Variants in TAOK3 observed in about 807,000 individuals in gnomAD.
TAOK3 encodes the protein TAO kinase 3, also known as serine/threonine-protein kinase TAO3.
Under a neutral mutation model 120.4 loss-of-function variants are expected in TAOK3, and 40 were observed. The observed-to-expected ratio is 0.33, with a 90% CI of 0.26 to 0.43. The LOEUF is 0.43. TAOK3 is among the 20% of genes least tolerant of loss of function. The pLI is 1.00. For synonymous variants in TAOK3, 355 were observed against 387.5 expected (o/e 0.92, Z 0.99); for missense variants, 821 against 1,112.1 (o/e 0.74, Z 3.72).
chr12:118,181,339 T>C (rs750017610), intron 15 of TAOK3, 32 bp downstream of exon 15: 2 of 1,553,378 alleles, frequency 1.3e-6, no homozygotes, highest in South Asian at 2.3e-5. Context: ...TGGGCTTGGT[T>C]GTGGCATGAA....
chr12:118,205,243 T>C (rs1273543581), intron 11 of TAOK3, among the ~76,000 whole-genome samples: 1 of 151,706 alleles, frequency 6.6e-6, no homozygotes, highest in South Asian at 2.1e-4. Flanking sequence ...AGTGCCCGCC[T>C]ATAGTCCCAG....
intron 5 of TAOK3, among the ~76,000 whole-genome samples, chr12:118,241,592 GTTGT>G (rs2040254710): frequency 1.3e-5 from 2 of 152,132 alleles, no homozygotes; most frequent in African/African-American, 4.8e-5. Flanking sequence ...ACCTGAGATG[GTTGT>G]TTGCTCCTGA....
intron 9 of TAOK3, among the ~76,000 whole-genome samples, chr12:118,225,807 A>G (rs1392429393): frequency 6.6e-6 from 1 of 152,238 alleles, no homozygotes; most frequent in Non-Finnish European, 1.5e-5. Context: ...TGATGTTCAT[A>G]TACATTGATT....
chr12:118,279,372 G>A (rs2042012436), intron 1 of TAOK3, among the ~76,000 whole-genome samples: 1 of 151,872 alleles, frequency 6.6e-6, no homozygotes, highest in Admixed American at 6.6e-5. Context: ...CATTCTGTAG[G>A]ATGTTTATTC....
chr12:118,191,455 A>G (rs1245446145), intron 13 of TAOK3, among the ~76,000 whole-genome samples: 1 of 152,242 alleles, frequency 6.6e-6, no homozygotes, highest in African/African-American at 2.4e-5. Flanking sequence ...TTAATTAAAA[A>G]TTAAATTCAA....
intron 3 of TAOK3, among the ~76,000 whole-genome samples, chr12:118,249,331 G>A (rs778186277): frequency 1.3e-5 from 2 of 152,164 alleles, no homozygotes; most frequent in African/African-American, 2.4e-5. Context: ...GGAGGCCAAC[G>A]TGGGTGGATC....
intron 11 of TAOK3, among the ~76,000 whole-genome samples, chr12:118,205,930 T>C (rs1451953593): frequency 4.2e-4 from 62 of 145,936 alleles, no homozygotes; most frequent in African/African-American, 8.4e-4. Flanking sequence ...CTCTCTCTCT[T>C]TTTTTTTTTT....
chr12:118,253,184 A>T (rs1406411886), intron 3 of TAOK3, among the ~76,000 whole-genome samples: 2 of 152,352 alleles, frequency 1.3e-5, no homozygotes, highest in African/African-American at 4.8e-5. Context: ...GAGAAAATCC[A>T]GGCTGAAGAT....
chr12:118,341,023 C>T (rs1422335306), intron 1 of TAOK3, among the ~76,000 whole-genome samples: 2 of 149,804 alleles, frequency 1.3e-5, no homozygotes, highest in African/African-American at 4.9e-5. Flanking sequence ...CAGAGTCTCA[C>T]TCTGTTGCCC....
intron 2 of TAOK3, among the ~76,000 whole-genome samples, chr12:118,261,178 C>T (rs1014640275): frequency 6.6e-6 from 1 of 152,184 alleles, no homozygotes; most frequent in Admixed American, 6.5e-5. Flanking sequence ...CATCAGTGAG[C>T]TGTGGAACAT....
chr12:118,221,634 CT>C (rs35069196), intron 9 of TAOK3, among the ~76,000 whole-genome samples: 1,487 of 125,942 alleles, frequency 0.012, 14 homozygotes, highest in African/African-American at 0.041. Context: ...TACATATAAC[CT>C]TTTTTTTTTT....
chr12:118,249,105 C>G (rs889169095), intron 3 of TAOK3, among the ~76,000 whole-genome samples: 1 of 152,168 alleles, frequency 6.6e-6, no homozygotes, highest in African/African-American at 2.4e-5. Flanking sequence ...AACTTACATT[C>G]ATGCTTAATA....
chr12:118,338,754 T>C (rs2141095779), intron 1 of TAOK3, among the ~76,000 whole-genome samples: 1 of 121,108 alleles, frequency 8.3e-6, no homozygotes, highest in East Asian at 2.6e-4. Flanking sequence ...GCCACTGCAC[T>C]GCAGTGTGGT....
chr12:118,329,243 T>C (rs1165780877), intron 1 of TAOK3, among the ~76,000 whole-genome samples: 31 of 152,274 alleles, frequency 2.0e-4, no homozygotes, highest in Admixed American at 2.0e-3. Flanking sequence ...AAACTCTACA[T>C]GATGTTTCCT....
chr12:118,317,699 G>A (rs900044782), intron 1 of TAOK3, among the ~76,000 whole-genome samples: 2 of 151,980 alleles, frequency 1.3e-5, no homozygotes, highest in Non-Finnish European at 2.9e-5. Context: ...ACAATATACA[G>A]ATCCAATACA....
intron 1 of TAOK3, among the ~76,000 whole-genome samples, chr12:118,346,940 T>C (rs2044883061): frequency 6.6e-6 from 1 of 152,230 alleles, no homozygotes; most frequent in Admixed American, 6.5e-5. Context: ...TCTCTGTATA[T>C]GCATTCGTCT....
At position 118,181,352 on chromosome 12, in the gene TAOK3, C is replaced by T. The variant is rs992284785; in HGVS notation, c.1566+19G>A. The T allele has an allele frequency of 1.3e-6, 2 of 1,586,910 alleles. No homozygotes were observed. Among genetic ancestry groups the T allele is most frequent in the Non-Finnish European group, 1.7e-6 (2 of 1,157,742 alleles). ...GCTGGGCTTGGTTGTGGCATGAAGG[C>T]GTGTGTGCACATACTGACCTCCTTT... On this transcript the variant is annotated intron_variant, in intron 15 of 20. Coordinates refer to ENST00000392533, the MANE Select transcript of TAOK3 (RefSeq NM_016281.4).
At chr12:118,246,871 A>C in intron 3 of TAOK3, 3 of 1,284,262 alleles carry the variant, frequency 2.3e-6, no homozygotes, top group Non-Finnish European at 3.3e-6. Flanking sequence ...GTATTTACCA[A>C]GTCTCCCTAT....
intron 1 of TAOK3, among the ~76,000 whole-genome samples, chr12:118,276,154 T>A (rs1244688019): frequency 6.6e-6 from 1 of 152,182 alleles, no homozygotes; most frequent in African/African-American, 2.4e-5. Flanking sequence ...GGGAAATAGA[T>A]TGTGTAGAAG....
Sources: gnomAD v4.1 joint callset for allele counts (sites outside exome capture counted in the v4.1 genomes callset) on GRCh38, gnomAD v4.1.1 for gene constraint, MANE v1.5 for transcripts, NCBI Gene and HGNC (gene_info 2026-07-23, HGNC 2026-07-21) for gene names.